Variants in PRKCB observed in about 807,000 individuals in gnomAD.
PRKCB encodes protein kinase C beta type.
Under a neutral mutation model 81.5 loss-of-function variants are expected in PRKCB, and 13 were observed. That is an observed-to-expected ratio of 0.16 (90% CI 0.10 to 0.25). The LOEUF (loss-of-function observed/expected upper bound fraction) is 0.25, where lower values mean the gene tolerates loss of function less well. Among genes scored for constraint, PRKCB ranks in the 10% least tolerant of loss-of-function variants. PRKCB has a pLI of 1.00. For synonymous variants in PRKCB, 335 were observed against 321.4 expected (o/e 1.04, Z -0.45); for missense variants, 509 against 875.7 (o/e 0.58, Z 5.29).
chr16:23,835,991 G>C lies in PRKCB; in HGVS notation c.-185G>C, dbSNP rs970739626. The stretch of plus-strand genomic sequence containing the variant: ...CGGTGCCAAGCGCAGCTGGACGAGC[G>C]GCAGCAGCTGGGCGAGTGACAGCCC... On this transcript the variant is annotated 5_prime_UTR_variant, in exon 1 of 17. Coordinates refer to ENST00000643927, the MANE Select transcript of PRKCB (RefSeq NM_002738.7). The C allele has an allele frequency of 9.8e-6, 2 of 203,156 alleles. No homozygotes were observed. The highest frequency in any genetic ancestry group is 4.7e-5 in the African/African-American group (2 of 42,260). 12.6% of individuals were successfully genotyped at this position (203,156 alleles called of 1,614,324 possible).
At chr16:24,102,498 CA>C (rs1409256748) in intron 7 of PRKCB, among the ~76,000 whole-genome samples, 2 of 152,184 alleles carry the variant, frequency 1.3e-5, no homozygotes, top group Non-Finnish European at 2.9e-5. Context: ...GGATGGGCTC[CA>C]TCAGCTCTTC....
chr16:23,918,380 T>TTTA (rs1555484682), intron 2 of PRKCB, among the ~76,000 whole-genome samples: 1 of 151,072 alleles, frequency 6.6e-6, no homozygotes, highest in Non-Finnish European at 1.5e-5. Context: ...GTGTTACCTT[T>TTTA]TTATTATTAT....
intron 9 of PRKCB, among the ~76,000 whole-genome samples, chr16:24,134,860 A>G (rs1159555896): frequency 6.6e-6 from 1 of 151,940 alleles, no homozygotes; most frequent in Non-Finnish European, 1.5e-5. Flanking sequence ...TGAAGTGGCT[A>G]TGATTACACC....
In PRKCB at chr16:24,096,664, A is replaced by ATAT. The variant is rs1260873156; in HGVS notation, c.821+2367_821+2368insTAT. 1.9e-3 allele frequency among the ~76,000 whole-genome samples: 163 copies of ATAT among 85,122 alleles called. 1 individual carries two copies. Among genetic ancestry groups the ATAT allele is most frequent in the South Asian group, 2.7e-3 (5 of 1,862 alleles). The allele number at this position is 85,122 out of a possible 152,430, so 55.8% of individuals were successfully genotyped here. On this transcript the variant is annotated intron_variant, in intron 7 of 16. Coordinates refer to ENST00000643927, the MANE Select transcript of PRKCB (RefSeq NM_002738.7). The stretch of plus-strand genomic sequence containing the variant: ...TCCCTTCCTATGGCAAAAAAAAAAA[A>ATAT]AAATATATATATATATATATATATA...
chr16:23,883,504 C>T lies in PRKCB; in HGVS notation c.205+46098C>T, dbSNP rs568426872. Among the ~76,000 whole-genome samples the T allele has an allele frequency of 7.2e-5, 11 of 152,066 alleles. 1 individual carries two copies. The highest frequency in any genetic ancestry group is 1.3e-4 in the Non-Finnish European group (9 of 68,012). ...AAGCCACTGGAGAGTTTTAGGTAGG[C>T]GAGATGCAAAGGATCAGATTTGTAT... On this transcript the variant is annotated intron_variant, in intron 2 of 16. Coordinates refer to ENST00000643927, the MANE Select transcript of PRKCB (RefSeq NM_002738.7).
chr16:24,151,866 CAG>C (rs1967084615), intron 9 of PRKCB: 1 of 455,554 alleles, frequency 2.2e-6, no homozygotes, highest in African/African-American at 2.0e-5. Flanking sequence ...GTAATTGACA[CAG>C]ATGTAGGATG....
chr16:24,100,321 G>A (rs1356135034), intron 7 of PRKCB, among the ~76,000 whole-genome samples: 1 of 152,082 alleles, frequency 6.6e-6, no homozygotes, highest in Non-Finnish European at 1.5e-5. Flanking sequence ...TTTAGCCTAC[G>A]TTCCTAAACC....
intron 2 of PRKCB, among the ~76,000 whole-genome samples, chr16:23,924,241 C>G (rs190933176): frequency 1.1e-3 from 170 of 152,198 alleles, no homozygotes; most frequent in African/African-American, 3.9e-3. Flanking sequence ...TGAGAAGGTC[C>G]AAGCTTGCTT....
chr16:24,097,097 T>C (rs2520008), intron 7 of PRKCB, among the ~76,000 whole-genome samples: 97,448 of 142,906 alleles, frequency 0.68, 33,317 homozygotes, highest in African/African-American at 0.75. Context: ...AGTGCAGTGG[T>C]GTGATCTCGG....
At chr16:24,127,743 G>T (rs1176116559) in intron 9 of PRKCB, among the ~76,000 whole-genome samples, 1 of 152,162 alleles carries the variant, frequency 6.6e-6, no homozygotes, top group Non-Finnish European at 1.5e-5. Context: ...TTCCAGACTG[G>T]AGATATAGCA....
chr16:24,178,136 T>TAATC (rs897350634), intron 12 of PRKCB, among the ~76,000 whole-genome samples: 2 of 152,224 alleles, frequency 1.3e-5, no homozygotes, highest in African/African-American at 4.8e-5. Context: ...GATGAAGGAT[T>TAATC]ATGTTAGACT....
intron 1 of PRKCB, among the ~76,000 whole-genome samples, chr16:23,836,615 G>T (rs1415769100): frequency 5.3e-5 from 8 of 152,036 alleles, no homozygotes; most frequent in Non-Finnish European, 1.0e-4. Flanking sequence ...CCCAGGGGCG[G>T]CGTCGCGGGA....
chr16:24,021,187 CCT>C (rs1491162155), intron 3 of PRKCB, among the ~76,000 whole-genome samples: 6 of 97,894 alleles, frequency 6.1e-5, no homozygotes, highest in African/African-American at 1.7e-4. Flanking sequence ...TCCCTTCCTT[CCT>C]CTTTCTTTCT....
rs563126334 is a variant in PRKCB at position 24,141,297 on chromosome 16, T to A, written c.1066-13387T>A. On this transcript the variant is annotated intron_variant, in intron 9 of 16. Coordinates refer to ENST00000643927, the MANE Select transcript of PRKCB (RefSeq NM_002738.7). Reference sequence around the variant, plus strand: ...GCAACGTCCACCTCCCAGGTTCAAGTGATTCTCCTGCCTCAGCCTCCCAAG... The same window carrying A: ...GCAACGTCCACCTCCCAGGTTCAAGAGATTCTCCTGCCTCAGCCTCCCAAG... 2.0e-5 allele frequency among the ~76,000 whole-genome samples: 3 copies of A among 152,228 alleles called. No individual in the cohort carries two copies. The South Asian group carries it at 6.2e-4, about 32-fold the overall frequency.
intron 10 of PRKCB, among the ~76,000 whole-genome samples, chr16:24,165,240 C>T (rs1967324567): frequency 6.6e-6 from 1 of 152,110 alleles, no homozygotes; most frequent in South Asian, 2.1e-4. Flanking sequence ...AGGGTCTTGC[C>T]ATGTTGCCCA....
chr16:24,035,986 G>T (rs1322139906), intron 5 of PRKCB, among the ~76,000 whole-genome samples: 1 of 152,214 alleles, frequency 6.6e-6, no homozygotes, highest in East Asian at 1.9e-4. Flanking sequence ...GAGTCTTGAT[G>T]ATAAACCCCA....
chr16:24,077,809 A>G (rs1033895702), intron 5 of PRKCB, among the ~76,000 whole-genome samples: 1 of 152,224 alleles, frequency 6.6e-6, no homozygotes, highest in Non-Finnish European at 1.5e-5. Flanking sequence ...TCTGAGGATC[A>G]TGGTCTGAGA....
chr16:23,901,959 T>G (rs1198441396), intron 2 of PRKCB, among the ~76,000 whole-genome samples: 1 of 152,206 alleles, frequency 6.6e-6, no homozygotes, highest in Non-Finnish European at 1.5e-5. Flanking sequence ...GCTACTGGAT[T>G]GGTACCTGGT....
intron 2 of PRKCB, among the ~76,000 whole-genome samples, 180 bp downstream of exon 2, chr16:23,837,586 G>A (rs554023715): frequency 6.6e-6 from 1 of 152,306 alleles, no homozygotes; most frequent in African/African-American, 2.4e-5. Flanking sequence ...GACTGGGGCC[G>A]ATGGCGCTTG....
Sources: allele counts gnomAD v4.1 joint callset (sites outside exome capture counted in the v4.1 genomes callset), GRCh38; gene constraint gnomAD v4.1.1; transcripts MANE v1.5; gene names NCBI Gene and HGNC (gene_info 2026-07-23, HGNC 2026-07-21).